PSME4: variants seen among roughly 807,000 people sequenced by gnomAD.
PSME4 encodes proteasome activator complex subunit 4.
PSME4 carries 89 observed loss-of-function variants against 253.9 expected under a neutral mutation model. The ratio of observed to expected loss-of-function variants is 0.35; its 90% confidence interval spans 0.30 to 0.42. The LOEUF is 0.42. PSME4 is among the 10% of genes least tolerant of loss of function. PSME4 has a pLI of 1.00. For missense variants in PSME4, 2,014 were observed against 2,195.2 expected (o/e 0.92, Z 1.65); for synonymous variants, 851 against 759.2 (o/e 1.12, Z -1.99).
At position 53,911,487 on chromosome 2, in the gene PSME4, C is replaced by G. The variant is rs1049014274; in HGVS notation, c.2517-1357G>C. On this transcript the variant is annotated intron_variant, in intron 20 of 46. Transcript: ENST00000404125. ...TGTTAGTAAAAAATAAAATCAGATT[C>G]CTTTACATGAACGTTATGTCTTTAC... is the stretch of plus-strand genomic sequence containing the variant. Among the ~76,000 whole-genome samples the G allele has an allele frequency of 3.9e-5, 6 of 152,164 alleles. No homozygotes were observed. The East Asian group carries it at 1.2e-3, about 29-fold the overall frequency.
chr2:53,904,238 A>C, intron 26 of PSME4, 82 bp from the exon 27 acceptor site: 2 of 1,325,124 alleles, frequency 1.5e-6, no homozygotes, highest in Non-Finnish European at 2.1e-6. Context: ...AAAAACAGTA[A>C]TGATAATTTA....
chr2:53,957,408 T>C (rs805334), intron 1 of PSME4, among the ~76,000 whole-genome samples: 40,914 of 152,008 alleles, frequency 0.27, 5,897 homozygotes, highest in South Asian at 0.34. Flanking sequence ...GATGGTCCCA[T>C]TGGGGGGTGA....
chr2:53,866,782 G>C lies in PSME4; in HGVS notation c.5362C>G (p.Leu1788Val). ...TGAGGATCATTTAGATGTGCACTGA[G>C]ATTCATGAGGAGCTGGGGCATCCAG... ...PTWMPQLLMN[L>V]SAHLNDPQPI... Residue 1788 changes from leucine to valine, a missense_variant, in exon 45 of 47, where the codon CTC becomes GTC. Leu to Val is a conservative substitution (Grantham distance 32, BLOSUM62 1). Transcript: ENST00000404125. The C allele has an allele frequency of 6.2e-7, 1 of 1,613,908 alleles. No individual in the cohort carries two copies. The highest frequency in any genetic ancestry group is 8.5e-7 in the Non-Finnish European group (1 of 1,179,842).
At chr2:53,919,751 C>G (rs905842162) in intron 19 of PSME4, among the ~76,000 whole-genome samples, 3 of 152,014 alleles carry the variant, frequency 2.0e-5, no homozygotes, top group Non-Finnish European at 4.4e-5. Context: ...ATTTTAGAAA[C>G]TTTCAAACTA....
intron 7 of PSME4, among the ~76,000 whole-genome samples, chr2:53,935,748 T>C (rs996628469): frequency 3.9e-5 from 6 of 152,188 alleles, no homozygotes; most frequent in African/African-American, 1.4e-4. Flanking sequence ...TTTGAAAAGG[T>C]AATTGGACCC....
chr2:53,940,978 T>TATATATACATATTTAA (rs1669417529), intron 3 of PSME4, among the ~76,000 whole-genome samples: 1 of 71,000 alleles, frequency 1.4e-5, no homozygotes, highest in Non-Finnish European at 3.3e-5. Context: ...TATATATATA[T>TATATATACATATTTAA]ATATATATAT....
chr2:53,931,610 G>T (rs1668833098), intron 10 of PSME4, among the ~76,000 whole-genome samples: 1 of 152,148 alleles, frequency 6.6e-6, no homozygotes, highest in Non-Finnish European at 1.5e-5. Flanking sequence ...TAAAATGTGT[G>T]AAGAATCCAA....
chr2:53,937,364 A>T, intron 5 of PSME4, 27 bp downstream of exon 5: 1 of 1,506,646 alleles, frequency 6.6e-7, no homozygotes, highest in Admixed American at 2.2e-5. Flanking sequence ...GTATTTTTAG[A>T]ATTTGTCAAG....
chr2:53,866,045 G>A (rs1678550163), intron 46 of PSME4, 40 bp downstream of exon 46: 5 of 1,535,316 alleles, frequency 3.3e-6, no homozygotes, highest in Non-Finnish European at 4.4e-6. Context: ...CTAGTTCTCA[G>A]TCACCAAACC....
At chr2:53,897,010 G>T in intron 31 of PSME4, 125 bp from the exon 32 acceptor site, 1 of 706,994 alleles carries the variant, frequency 1.4e-6, no homozygotes, top group Non-Finnish European at 2.5e-6. Context: ...ATCGACATCT[G>T]GCAGTACATC....
chr2:53,879,651 T>C (rs148554912), intron 41 of PSME4, among the ~76,000 whole-genome samples: 130 of 152,226 alleles, frequency 8.5e-4, no homozygotes, highest in African/African-American at 2.9e-3. Flanking sequence ...CTATTTCTCT[T>C]AGAAAATGTG....
At chr2:53,946,788 C>G (rs917796591) in intron 3 of PSME4, among the ~76,000 whole-genome samples, 50 of 152,202 alleles carry the variant, frequency 3.3e-4, no homozygotes, top group African/African-American at 1.1e-3. Flanking sequence ...GTGGCACACG[C>G]CTGTGGTCCC....
At chr2:53,933,627 C>T (rs2104461643) in intron 8 of PSME4, among the ~76,000 whole-genome samples, 1 of 152,308 alleles carries the variant, frequency 6.6e-6, no homozygotes, top group South Asian at 2.1e-4. Context: ...AGCTATCCTT[C>T]CATCTCGGCT....
chr2:53,899,858 GA>G, intron 29 of PSME4, 22 bp downstream of exon 29: 1 of 1,609,752 alleles, frequency 6.2e-7, no homozygotes, highest in Non-Finnish European at 8.5e-7. Context: ...GTCATCTATT[GA>G]AGTACACCAT....
At position 53,897,983 on chromosome 2, in the gene PSME4, G is replaced by A. The variant is rs780708160; in HGVS notation, c.3493C>T (p.His1165Tyr). Reference protein sequence around the residue: ...EQRNLPWKFEHIGIGLLSLLL... With the variant: ...EQRNLPWKFEYIGIGLLSLLL... ...AGAGACAGAAGCCCAATGCCTATAT[G>A]TTCAAATTTCCAGGGCCTTAAAAGG... The change falls in exon 31 of 47, where the codon CAT (histidine) becomes TAT (tyrosine). Residue 1165 changes from histidine to tyrosine, a missense_variant. Physicochemically the swap from His to Tyr is moderately conservative, Grantham distance 83. Around this residue, in one of 4 missense-constraint regions of PSME4, gnomAD observed 989 missense variants for 1,021.1 expected, o/e 0.97. Coordinates refer to ENST00000404125, the MANE Select transcript of PSME4 (RefSeq NM_014614.3). The A allele has an allele frequency of 2.5e-6, 4 of 1,613,358 alleles. No individual in the cohort carries two copies. In the African/African-American group the frequency reaches 4.0e-5, roughly 16 times the overall value.
chr2:53,953,224 T>C (rs181135199), intron 1 of PSME4, among the ~76,000 whole-genome samples: 166 of 152,186 alleles, frequency 1.1e-3, no homozygotes, highest in African/African-American at 3.8e-3. Flanking sequence ...AAAAGAAAAT[T>C]AATAAATTGG....
chr2:53,920,486 C>T (rs1668262408), intron 18 of PSME4, 136 bp from the exon 19 acceptor site: 2 of 894,888 alleles, frequency 2.2e-6, no homozygotes, highest in African/African-American at 3.4e-5. Flanking sequence ...AAATGATATA[C>T]AAAAAAGTAG....
At chr2:53,961,866 C>T (rs183268281) in intron 1 of PSME4, among the ~76,000 whole-genome samples, 37 of 152,298 alleles carry the variant, frequency 2.4e-4, no homozygotes, top group African/African-American at 8.4e-4. Context: ...TAACCCGAAG[C>T]GTCCACCCTA....
chr2:53,896,347 T>C (rs530808802), intron 32 of PSME4, among the ~76,000 whole-genome samples: 70 of 152,306 alleles, frequency 4.6e-4, no homozygotes, highest in African/African-American at 1.5e-3. Context: ...GGATTAAACA[T>C]TGCATTAAAG....
Sources: allele counts gnomAD v4.1 joint callset (sites outside exome capture counted in the v4.1 genomes callset), GRCh38; gene constraint gnomAD v4.1.1; regional missense constraint gnomAD v4.1.1; transcripts MANE v1.5; gene names NCBI Gene and HGNC (gene_info 2026-07-23, HGNC 2026-07-21).